Variants in UIMC1 observed in about 807,000 individuals in gnomAD.
UIMC1 encodes ubiquitin interaction motif containing 1.
In UIMC1, 42 loss-of-function variants were observed where a neutral mutation model predicts 84.9. That is an observed-to-expected ratio of 0.49 (90% CI 0.39 to 0.64). The LOEUF (loss-of-function observed/expected upper bound fraction) is 0.64, where lower values mean the gene tolerates loss of function less well. UIMC1 is among the 30% of genes least tolerant of loss of function. UIMC1 has a pLI of 0.00. For missense variants in UIMC1, 825 were observed against 847.6 expected (o/e 0.97, Z 0.33); for synonymous variants, 281 against 293.0 (o/e 0.96, Z 0.42).
At chr5:176,962,015 C>G (rs1581551725) in intron 6 of UIMC1, among the ~76,000 whole-genome samples, 15 of 55,856 alleles carry the variant, frequency 2.7e-4, no homozygotes, top group African/African-American at 3.5e-4. Context: ...CCCTGCCCGG[C>G]CAGCCGCCCC....
rs575901662 is a variant in UIMC1 at position 176,969,177 on chromosome 5, G to C, written c.578C>G (p.Pro193Arg). 6.2e-7 allele frequency: 1 copy of C among 1,614,158 alleles called. No individual in the cohort carries two copies. Among genetic ancestry groups the C allele is most frequent in the Non-Finnish European group, 8.5e-7 (1 of 1,180,024 alleles). Residue 193 changes from proline to arginine, a missense_variant, in exon 6 of 15, where the codon CCG (proline) becomes CGG (arginine). Coordinates refer to ENST00000511320, the MANE Select transcript of UIMC1 (RefSeq NM_001199298.2). ...WDHTEKTEEE[P>R]VSGSSGSWDQ... ...CCAGCTTCCTGAGCTGCCAGAGACC[G>C]GCTCCTCTTCAGTTTTTTCAGTGTG...
intron 10 of UIMC1, among the ~76,000 whole-genome samples, chr5:176,921,841 C>T (rs1036183273): frequency 2.6e-5 from 4 of 152,172 alleles, no homozygotes; most frequent in African/African-American, 7.2e-5. Flanking sequence ...ATCATTCCCT[C>T]GTTCTCAACC....
chr5:177,000,577 T>A (rs916208387), intron 1 of UIMC1, among the ~76,000 whole-genome samples: 1 of 148,672 alleles, frequency 6.7e-6, no homozygotes, highest in Non-Finnish European at 1.5e-5. Flanking sequence ...CTCGGCTCAC[T>A]GCAAACTCTG....
At chr5:176,977,924 T>A (rs1770390281) in intron 2 of UIMC1, among the ~76,000 whole-genome samples, 1 of 150,816 alleles carries the variant, frequency 6.6e-6, no homozygotes, top group Non-Finnish European at 1.5e-5. Context: ...AAAATACATA[T>A]AAAAAAATAA....
At chr5:176,909,577 T>C (rs1177077259) in intron 11 of UIMC1, among the ~76,000 whole-genome samples, 1 of 152,172 alleles carries the variant, frequency 6.6e-6, no homozygotes, top group Non-Finnish European at 1.5e-5. Flanking sequence ...GCATGCTATC[T>C]TGGACATCTC....
chr5:176,927,317 A>T (rs1448663315), intron 10 of UIMC1, among the ~76,000 whole-genome samples: 2 of 151,714 alleles, frequency 1.3e-5, no homozygotes, highest in Non-Finnish European at 2.9e-5. Context: ...GCAATGAGGC[A>T]ATCTTAGCTC....
chr5:176,940,363 A>T (rs1764260077), intron 10 of UIMC1, among the ~76,000 whole-genome samples: 2 of 152,212 alleles, frequency 1.3e-5, no homozygotes, highest in African/African-American at 4.8e-5. Flanking sequence ...TTACCTGATC[A>T]TTCTGACCTG....
chr5:176,973,463 AG>A (rs1403230401), intron 3 of UIMC1, among the ~76,000 whole-genome samples: 1 of 151,786 alleles, frequency 6.6e-6, no homozygotes, highest in African/African-American at 2.4e-5. Context: ...AATGAAAAAC[AG>A]GGCCAGGTAC....
intron 8 of UIMC1, among the ~76,000 whole-genome samples, chr5:176,953,850 T>C (rs954922199): frequency 4.6e-5 from 7 of 152,172 alleles, no homozygotes; most frequent in Non-Finnish European, 1.0e-4. Flanking sequence ...GTCAGAAATA[T>C]GAAACAAAAG....
chr5:176,937,437 G>C (rs1286623541), intron 10 of UIMC1, among the ~76,000 whole-genome samples: 1 of 152,142 alleles, frequency 6.6e-6, no homozygotes, highest in Non-Finnish European at 1.5e-5. Context: ...AAGCTTGCAG[G>C]AGCCGAGATC....
At chr5:176,955,748 C>T (rs1040249376) in intron 8 of UIMC1, among the ~76,000 whole-genome samples, 41 of 151,928 alleles carry the variant, frequency 2.7e-4, no homozygotes, top group African/African-American at 9.9e-4. Flanking sequence ...ACTAAATTAC[C>T]CCTAAGGAGA....
rs1429986723 is a variant in UIMC1, at chr5:176,970,836, G to A, written c.263C>T (p.Ala88Val). The change falls in exon 4 of 15, where the codon GCT (alanine) becomes GTT (valine). Residue 88 changes from alanine to valine, a missense_variant. Ala to Val is a moderately conservative substitution (Grantham distance 64). Coordinates refer to ENST00000511320, the MANE Select transcript of UIMC1 (RefSeq NM_001199298.2). ...QMTEEEQFAL[A>V]LKMSEQEARE... ...AGCTTCCTGCTCACTCATTTTGAGA[G>A]CCAGAGCAAACTGTTCTTCTTCTGT... 2 of 1,614,008 alleles carry A rather than the reference G, an allele frequency of 1.2e-6. No homozygotes were observed. Among genetic ancestry groups the A allele is most frequent in the East Asian group, 2.2e-5 (1 of 44,874 alleles).
At chr5:176,960,077 C>G (rs1489075701) in intron 6 of UIMC1, among the ~76,000 whole-genome samples, 1 of 152,226 alleles carries the variant, frequency 6.6e-6, no homozygotes, top group Non-Finnish European at 1.5e-5. Flanking sequence ...CAGGCCTGTG[C>G]TAATCACTTT....
intron 11 of UIMC1, among the ~76,000 whole-genome samples, chr5:176,910,476 T>C (rs1260114845): frequency 6.6e-6 from 1 of 152,232 alleles, no homozygotes; most frequent in Non-Finnish European, 1.5e-5. Context: ...AAGACCATAG[T>C]TAGACTAGTT....
At chr5:176,959,652 C>A (rs1291878721) in intron 6 of UIMC1, among the ~76,000 whole-genome samples, 2 of 140,756 alleles carry the variant, frequency 1.4e-5, no homozygotes, top group Non-Finnish European at 3.1e-5. Context: ...GGAGGCGGAG[C>A]TTGCAGTGAG....
intron 10 of UIMC1, among the ~76,000 whole-genome samples, chr5:176,933,008 G>A (rs542566325): frequency 2.0e-5 from 3 of 152,014 alleles, no homozygotes; most frequent in South Asian, 2.1e-4. Context: ...TGTTCACACC[G>A]ATTAGACCTT....
At chr5:177,020,538 C>T (rs1472279815) in intron 1 of UIMC1, among the ~76,000 whole-genome samples, 2 of 152,232 alleles carry the variant, frequency 1.3e-5, no homozygotes, top group Non-Finnish European at 2.9e-5. Context: ...TCACACCATT[C>T]TCCTGCCTCA....
chr5:176,945,534 G>A (rs1036885700), intron 9 of UIMC1, among the ~76,000 whole-genome samples: 1 of 152,234 alleles, frequency 6.6e-6, no homozygotes, highest in Non-Finnish European at 1.5e-5. Context: ...TCCCCCTGTA[G>A]AGAGCCTATG....
At chr5:176,970,645 A>T in intron 4 of UIMC1, 97 bp downstream of exon 4, 1 of 1,591,006 alleles carries the variant, frequency 6.3e-7, no homozygotes, top group Non-Finnish European at 8.6e-7. Context: ...AAACCCTATA[A>T]ATGACTACAG....
Sources: gnomAD v4.1 joint callset for allele counts (sites outside exome capture counted in the v4.1 genomes callset) on GRCh38, gnomAD v4.1.1 for gene constraint, MANE v1.5 for transcripts, NCBI Gene and HGNC (gene_info 2026-07-23, HGNC 2026-07-21) for gene names.